The following CAMK4 variants were observed in gnomAD, a reference collection of about 807,000 sequenced individuals.
The protein encoded by CAMK4 is calcium/calmodulin-dependent protein kinase type IV.
CAMK4 carries 22 observed loss-of-function variants against 44.9 expected under a neutral mutation model. The ratio of observed to expected loss-of-function variants is 0.49; its 90% CI spans 0.35 to 0.70. The LOEUF (loss-of-function observed/expected upper bound fraction) is 0.70, where lower values mean the gene tolerates loss of function less well. Among genes scored for constraint, CAMK4 ranks in the 30% least tolerant of loss-of-function variants. The pLI, the probability that CAMK4 is intolerant of heterozygous loss-of-function variation, is 0.01. For missense variants in CAMK4, 498 were observed against 586.8 expected (o/e 0.85, Z 1.56); for synonymous variants, 218 against 215.4 (o/e 1.01, Z -0.11).
chr5:111,475,561 C>T (rs1343374880), intron 8 of CAMK4, among the ~76,000 whole-genome samples: 10 of 152,100 alleles, frequency 6.6e-5, no homozygotes, highest in Non-Finnish European at 4.4e-5. Flanking sequence ...ATTATGCAAA[C>T]TATTTTATAT....
intron 1 of CAMK4, among the ~76,000 whole-genome samples, chr5:111,326,739 C>T (rs954982971): frequency 6.6e-6 from 1 of 150,976 alleles, no homozygotes; most frequent in Non-Finnish European, 1.5e-5. Context: ...CAGATAAGGA[C>T]GAGGCTAAGC....
At chr5:111,400,630 C>T (rs904812604) in intron 5 of CAMK4, among the ~76,000 whole-genome samples, 20 of 150,046 alleles carry the variant, frequency 1.3e-4, no homozygotes, top group Admixed American at 8.0e-4. Flanking sequence ...CTTGCTCCTT[C>T]TGCTTTTCTG....
intron 1 of CAMK4, among the ~76,000 whole-genome samples, chr5:111,327,178 T>G (rs1748931506): frequency 7.5e-6 from 1 of 134,216 alleles, no homozygotes; most frequent in Non-Finnish European, 1.6e-5. Context: ...TCCACAACAG[T>G]CCCTGGTGTG....
intron 1 of CAMK4, among the ~76,000 whole-genome samples, chr5:111,314,662 G>A (rs532196169): frequency 1.8e-3 from 275 of 152,174 alleles, no homozygotes; most frequent in African/African-American, 6.4e-3. Flanking sequence ...ATACCCTGAT[G>A]TAATTGTGTG....
chr5:111,371,418 A>G (rs557889011), intron 2 of CAMK4, among the ~76,000 whole-genome samples: 145 of 152,324 alleles, frequency 9.5e-4, no homozygotes, highest in African/African-American at 3.2e-3. Flanking sequence ...ATTCATTTGT[A>G]ACTTGCATTC....
chr5:111,383,183 C>A (rs1751479218), intron 4 of CAMK4, among the ~76,000 whole-genome samples: 1 of 151,920 alleles, frequency 6.6e-6, no homozygotes, highest in African/African-American at 2.4e-5. Flanking sequence ...ATGAGAGGGA[C>A]CTAAATTTGG....
At chr5:111,408,344 C>T (rs192830151) in intron 5 of CAMK4, among the ~76,000 whole-genome samples, 15 of 152,134 alleles carry the variant, frequency 9.9e-5, no homozygotes, top group Admixed American at 2.6e-4. Context: ...ACCATCATGG[C>T]AGAAGGCAAA....
intron 4 of CAMK4, among the ~76,000 whole-genome samples, chr5:111,385,606 C>G (rs779281911): frequency 8.5e-5 from 13 of 152,060 alleles, no homozygotes; most frequent in Admixed American, 2.0e-4. Flanking sequence ...CAGAGTCTCC[C>G]TCTGTCGCCC....
At chr5:111,465,051 G>A (rs1270439760) in intron 7 of CAMK4, among the ~76,000 whole-genome samples, 1 of 152,246 alleles carries the variant, frequency 6.6e-6, no homozygotes, top group Middle Eastern at 3.4e-3. Context: ...CCAGACATCT[G>A]TGCCTTGCAA....
At chr5:111,260,298 G>A (rs569293716) in intron 1 of CAMK4, among the ~76,000 whole-genome samples, 3 of 152,224 alleles carry the variant, frequency 2.0e-5, no homozygotes, top group African/African-American at 7.2e-5. Flanking sequence ...CCTTACATTA[G>A]TCAATATCTT....
At chr5:111,334,056 G>A (rs1299273771) in intron 1 of CAMK4, among the ~76,000 whole-genome samples, 2 of 151,542 alleles carry the variant, frequency 1.3e-5, no homozygotes, top group Non-Finnish European at 3.0e-5. Context: ...AAGAAAGAGT[G>A]CAGTTGTGGA....
chr5:111,355,298 T>G (rs536434278), intron 2 of CAMK4, among the ~76,000 whole-genome samples: 143 of 152,152 alleles, frequency 9.4e-4, no homozygotes, highest in African/African-American at 3.3e-3. Flanking sequence ...ATCCAGTTTG[T>G]GACAAGAATA....
intron 2 of CAMK4, among the ~76,000 whole-genome samples, chr5:111,369,745 G>T (rs540339632): frequency 2.6e-5 from 4 of 152,124 alleles, no homozygotes; most frequent in South Asian, 4.2e-4. Flanking sequence ...CTATAAAATG[G>T]CATAGTATTT....
chr5:111,424,344 G>C (rs1323974745), intron 5 of CAMK4, among the ~76,000 whole-genome samples: 1 of 150,474 alleles, frequency 6.6e-6, no homozygotes, highest in Non-Finnish European at 1.5e-5. Flanking sequence ...CTACTTATTT[G>C]CCTTAGTGAA....
Position 111,484,401 on chromosome 5 carries a change from G to A in CAMK4, c.1357G>A (p.Gly453Arg), listed in dbSNP as rs1371974991. 1 of 1,572,960 alleles carries A rather than the reference G, an allele frequency of 6.4e-7. No individual in the cohort carries two copies. The highest frequency in any genetic ancestry group is 1.9e-5 in the Admixed American group (1 of 52,520). ...GGAGGAGGCAGCAGCTCCCAGAGAA[G>A]GGCAAGGAAGCTCTGCTGTGGGTTT... ...TVEEAAAPREGQGSSAVGFEV... is the reference protein window; with the variant it reads ...TVEEAAAPRERQGSSAVGFEV... The change falls in exon 11 of 11, where the codon GGG becomes AGG. Residue 453 changes from glycine to arginine, a missense_variant. By Grantham distance (125) the Gly-to-Arg change is moderately radical. Transcript: ENST00000282356. The surrounding 1 kb of genome is among the most constrained non-coding windows in gnomAD (Gnocchi z 5.3).
chr5:111,346,846 A>AAACAAACAAAC (rs372511472), intron 2 of CAMK4, among the ~76,000 whole-genome samples: 48,743 of 116,734 alleles, frequency 0.42, 8,449 homozygotes, highest in South Asian at 0.56. Flanking sequence ...AACAAACAAA[A>AAACAAACAAAC]ACACTAACAC....
rs1405836289 is a variant in CAMK4 at position 111,259,204 on chromosome 5, C to T, written c.161+34560C>T. Among the ~76,000 whole-genome samples the T allele has an allele frequency of 2.6e-5, 4 of 152,178 alleles. No homozygotes were observed. In the East Asian group the frequency reaches 7.7e-4, roughly 29 times the overall value. On this transcript the variant is annotated intron_variant, in intron 1 of 10. Coordinates refer to ENST00000282356, the MANE Select transcript of CAMK4 (RefSeq NM_001744.6). ...ATATATGCTTCTTGGAGGGTAAATA[C>T]ATTTAATGTTAATCTCTGTATCTCT...
chr5:111,449,066 CA>C, intron 6 of CAMK4, 62 bp from the exon 7 acceptor site: 1 of 744,752 alleles, frequency 1.3e-6, no homozygotes, highest in Non-Finnish European at 2.3e-6. Context: ...TTTTGAATAA[CA>C]AATATTTTGT....
chr5:111,242,716 C>T (rs769154218), intron 1 of CAMK4, among the ~76,000 whole-genome samples: 16 of 152,170 alleles, frequency 1.1e-4, no homozygotes, highest in African/African-American at 2.7e-4. Context: ...ACCACTCCTG[C>T]GTTCTCACCT....
Sources: gnomAD v4.1 joint callset for allele counts (sites outside exome capture counted in the v4.1 genomes callset) on GRCh38, gnomAD v4.1.1 for gene constraint, Gnocchi (gnomAD v3.1) non-coding constraint, MANE v1.5 for transcripts, NCBI Gene and HGNC (gene_info 2026-07-23, HGNC 2026-07-21) for gene names.